Variants in PRKCE observed in about 807,000 individuals in gnomAD.
PRKCE encodes protein kinase C epsilon.
PRKCE carries 16 observed loss-of-function variants against 85.4 expected under a neutral mutation model. The ratio of observed to expected loss-of-function variants is 0.19; its 90% CI spans 0.13 to 0.28. The LOEUF is 0.28. Among genes scored for constraint, PRKCE ranks in the 10% least tolerant of loss-of-function variants. The probability of loss-of-function intolerance (pLI) is 1.00; values close to 1 mark genes in which losing one functional copy is unlikely to be tolerated. For missense variants in PRKCE, 573 were observed against 975.2 expected (o/e 0.59, Z 5.49); for synonymous variants, 388 against 371.5 (o/e 1.04, Z -0.51).
At chr2:45,985,579 C>A (rs1359661089) in intron 6 of PRKCE, among the ~76,000 whole-genome samples, 5 of 151,982 alleles carry the variant, frequency 3.3e-5, no homozygotes, top group Admixed American at 6.5e-5. Context: ...AGAAAATAAA[C>A]CTAGGACATA....
At chr2:45,776,043 G>T (rs540903731) in intron 1 of PRKCE, among the ~76,000 whole-genome samples, 2 of 152,052 alleles carry the variant, frequency 1.3e-5, no homozygotes, top group African/African-American at 2.4e-5. Flanking sequence ...ACTTAAAACC[G>T]CAATGCCCTT....
At chr2:45,974,904 G>C (rs917745317) in intron 2 of PRKCE, among the ~76,000 whole-genome samples, 2 of 152,154 alleles carry the variant, frequency 1.3e-5, no homozygotes, top group African/African-American at 4.8e-5. Flanking sequence ...AGAAACCTAG[G>C]AAGAAGCCCA....
chr2:45,934,678 G>T (rs533214612), intron 2 of PRKCE, among the ~76,000 whole-genome samples: 1 of 151,658 alleles, frequency 6.6e-6, no homozygotes, highest in East Asian at 1.9e-4. Context: ...GCTAAATTGT[G>T]TGAGAAAAAT....
intron 1 of PRKCE, among the ~76,000 whole-genome samples, chr2:45,680,689 A>T (rs1333572645): frequency 6.6e-6 from 1 of 152,254 alleles, no homozygotes; most frequent in Non-Finnish European, 1.5e-5. Context: ...TTAAGAGAGC[A>T]GAAAAGCCTT....
intron 10 of PRKCE, chr2:46,010,968 A>C (rs1705620266): frequency 1.4e-6 from 2 of 1,388,548 alleles, no homozygotes; most frequent in Admixed American, 6.0e-5. Flanking sequence ...CAAATGCTTA[A>C]AATTTCATAG....
intron 10 of PRKCE, among the ~76,000 whole-genome samples, chr2:46,042,553 C>T (rs1708275603): frequency 6.6e-6 from 1 of 152,252 alleles, no homozygotes; most frequent in African/African-American, 2.4e-5. Flanking sequence ...CTCTCTTTGC[C>T]TCTGGAAAAG....
intron 13 of PRKCE, among the ~76,000 whole-genome samples, chr2:46,151,816 C>T (rs767821767): frequency 2.6e-5 from 4 of 152,264 alleles, no homozygotes; most frequent in Non-Finnish European, 4.4e-5. Context: ...TCATCCCTCA[C>T]ATGGGAAAAC....
At chr2:46,114,407 C>CTTTTTT (rs36107970) in intron 11 of PRKCE, among the ~76,000 whole-genome samples, 1 of 47,682 alleles carries the variant, frequency 2.1e-5, no homozygotes, top group Non-Finnish European at 3.4e-5. Context: ...GAGTCCAAGG[C>CTTTTTT]TTTTTTTTTT....
chr2:45,795,558 C>T (rs1230305761), intron 1 of PRKCE, among the ~76,000 whole-genome samples: 5 of 152,306 alleles, frequency 3.3e-5, no homozygotes, highest in Middle Eastern at 3.4e-3. Flanking sequence ...GATCCACCCT[C>T]CTCAGCCTTC....
In PRKCE at chr2:45,652,096, CG is replaced by C; in HGVS notation, c.-4del. 1 of 1,533,074 alleles carries C rather than the reference CG, an allele frequency of 6.5e-7. No individual in the cohort carries two copies. The highest frequency in any genetic ancestry group is 8.8e-7 in the Non-Finnish European group (1 of 1,136,712). 95.0% of individuals were successfully genotyped at this position (1,533,074 alleles called of 1,614,324 possible). On this transcript the variant is annotated 5_prime_UTR_variant, in exon 1 of 15. Transcript: ENST00000306156. The surrounding 1 kb of genome is among the most constrained non-coding windows in gnomAD (Gnocchi z 7.7). Reference sequence around the variant, plus strand: ...TGACCCCGGCCCCCACTCCCCGCCCCGACCATGGTAGTGTTCAATGGCCTTC... The same window carrying C: ...TGACCCCGGCCCCCACTCCCCGCCCCACCATGGTAGTGTTCAATGGCCTTC...
chr2:45,971,846 T>G (rs1038344415), intron 2 of PRKCE, among the ~76,000 whole-genome samples: 1 of 152,234 alleles, frequency 6.6e-6, no homozygotes, highest in African/African-American at 2.4e-5. Context: ...ATATATTTTT[T>G]TAACCATTCA....
intron 1 of PRKCE, among the ~76,000 whole-genome samples, chr2:45,835,245 A>G (rs1558730796): frequency 6.6e-6 from 1 of 152,260 alleles, no homozygotes; most frequent in East Asian, 1.9e-4. Context: ...TGCGAAATAA[A>G]TCGTTTTTTT....
intron 2 of PRKCE, among the ~76,000 whole-genome samples, chr2:45,880,103 A>G (rs1445431485): frequency 6.6e-6 from 1 of 152,092 alleles, no homozygotes; most frequent in African/African-American, 2.4e-5. Flanking sequence ...CTTCCACATG[A>G]GTGAGAGCAT....
intron 1 of PRKCE, among the ~76,000 whole-genome samples, chr2:45,815,335 A>G (rs992260659): frequency 2.0e-5 from 3 of 152,246 alleles, no homozygotes; most frequent in Admixed American, 2.0e-4. Context: ...CTGCAAGTGT[A>G]GCAGGCAGTG....
chr2:46,049,238 G>C (rs1037145657), intron 10 of PRKCE, among the ~76,000 whole-genome samples: 4 of 152,248 alleles, frequency 2.6e-5, no homozygotes, highest in South Asian at 2.1e-4. Context: ...GGGACCTCAG[G>C]GTTTCTGCTT....
At chr2:46,116,873 GA>G (rs897305270) in intron 11 of PRKCE, among the ~76,000 whole-genome samples, 8 of 151,900 alleles carry the variant, frequency 5.3e-5, no homozygotes, top group South Asian at 2.1e-4. Context: ...TCTGGGAGGG[GA>G]AAAAAAACCG....
chr2:45,937,133 G>T (rs909473502), intron 2 of PRKCE, among the ~76,000 whole-genome samples: 5 of 152,144 alleles, frequency 3.3e-5, no homozygotes, highest in African/African-American at 1.2e-4. Context: ...AAGATTCCAT[G>T]TCCATCTGGT....
chr2:45,934,327 C>T (rs142223662), intron 2 of PRKCE, among the ~76,000 whole-genome samples: 13 of 152,248 alleles, frequency 8.5e-5, no homozygotes, highest in East Asian at 3.9e-4. Flanking sequence ...TTGAATGTGA[C>T]GGAAAAAGCC....
At chr2:45,978,889 G>A in intron 3 of PRKCE, 87 bp from the exon 4 acceptor site, 1 of 1,123,500 alleles carries the variant, frequency 8.9e-7, no homozygotes. Context: ...CTATGTGGGT[G>A]GTGGCCCAAA....
Sources: allele counts gnomAD v4.1 joint callset (sites outside exome capture counted in the v4.1 genomes callset), GRCh38; gene constraint gnomAD v4.1.1; non-coding constraint Gnocchi (gnomAD v3.1); transcripts MANE v1.5; gene names NCBI Gene and HGNC (gene_info 2026-07-23, HGNC 2026-07-21).